The following ZMYM2 variants were observed in gnomAD, a reference collection of about 807,000 sequenced individuals.
The protein encoded by ZMYM2 is zinc finger MYM-type protein 2.
A neutral mutation model predicts 162.8 loss-of-function variants in ZMYM2; 56 were observed. The observed-to-expected ratio is 0.34, with a 90% CI of 0.28 to 0.43. The LOEUF (loss-of-function observed/expected upper bound fraction) is 0.43, where lower values mean the gene tolerates loss of function less well. Ranked by LOEUF, ZMYM2 falls within the 20% of genes least tolerant of loss-of-function variation. The probability of loss-of-function intolerance (pLI) is 1.00; values close to 1 mark genes in which losing one functional copy is unlikely to be tolerated. For missense variants in ZMYM2, 1,275 were observed against 1,621.8 expected (o/e 0.79, Z 3.67); for synonymous variants, 510 against 541.6 (o/e 0.94, Z 0.81).
At chr13:19,954,283 C>T (rs2138947456), upstream of ZMYM2, among the ~76,000 whole-genome samples, 1 of 151,776 alleles carries the variant, frequency 6.6e-6, no homozygotes, top group South Asian at 2.1e-4. Flanking sequence ...CGCCCACCAC[C>T]ATGCCTGGCT....
chr13:20,085,240 T>C (rs1958182296), intron 24 of ZMYM2, among the ~76,000 whole-genome samples: 1 of 152,128 alleles, frequency 6.6e-6, no homozygotes, highest in Non-Finnish European at 1.5e-5. Context: ...GTTTCAGATT[T>C]TGGATTTTTG....
intron 4 of ZMYM2, 47 bp from the exon 5 acceptor site, chr13:20,005,027 T>A: frequency 6.7e-7 from 1 of 1,502,638 alleles, no homozygotes; most frequent in Non-Finnish European, 9.0e-7. Context: ...CTCTTATATT[T>A]GATTTCTTTT....
At chr13:20,030,430 G>T (rs1302882367) in intron 9 of ZMYM2, among the ~76,000 whole-genome samples, 4 of 135,550 alleles carry the variant, frequency 3.0e-5, no homozygotes, top group Admixed American at 8.4e-5. Context: ...ACGGAGTCTC[G>T]CTCTGTCGCC....
At chr13:19,958,381 A>C (rs1405421888), upstream of ZMYM2, among the ~76,000 whole-genome samples, 1 of 148,746 alleles carries the variant, frequency 6.7e-6, no homozygotes, top group Non-Finnish European at 1.5e-5. Context: ...GGTCCCGGAG[A>C]GCCCCGGGCC....
At chr13:19,965,464 G>A (rs1955661943) in intron 2 of ZMYM2, among the ~76,000 whole-genome samples, 1 of 152,104 alleles carries the variant, frequency 6.6e-6, no homozygotes, top group Non-Finnish European at 1.5e-5. Context: ...ATAATCAGGG[G>A]ACTGATTTAA....
chr13:20,065,848 C>CAG (rs1284986814), intron 19 of ZMYM2, among the ~76,000 whole-genome samples: 1 of 152,030 alleles, frequency 6.6e-6, no homozygotes, highest in Non-Finnish European at 1.5e-5. Flanking sequence ...GCATGGGTGA[C>CAG]AGAGCAAGGC....
chr13:20,063,232 G>A (rs1388004823), intron 18 of ZMYM2, among the ~76,000 whole-genome samples: 1 of 151,646 alleles, frequency 6.6e-6, no homozygotes, highest in African/African-American at 2.4e-5. Context: ...GTGAAACACT[G>A]TCTCTACTAA....
intron 22 of ZMYM2, 51 bp from the exon 23 acceptor site, chr13:20,082,730 T>G (rs1957990320): frequency 5.0e-6 from 7 of 1,411,062 alleles, no homozygotes; most frequent in Middle Eastern, 2.6e-4. Flanking sequence ...GATGGTTAAA[T>G]GAAAACTTTT....
At chr13:20,003,446 T>TA (rs945321618) in intron 4 of ZMYM2, among the ~76,000 whole-genome samples, 43 of 152,240 alleles carry the variant, frequency 2.8e-4, no homozygotes, top group Admixed American at 6.5e-5. Context: ...GATTCTGTGT[T>TA]AAAATTGGTT....
At chr13:20,058,950 C>T (rs942369587) in intron 15 of ZMYM2, 15 of 581,094 alleles carry the variant, frequency 2.6e-5, no homozygotes, top group South Asian at 6.6e-5. Context: ...AATACTATCT[C>T]GAAAATTTCC....
upstream of ZMYM2, among the ~76,000 whole-genome samples, chr13:19,957,647 CCTCCATGGAGT>C (rs1034913503): frequency 2.5e-4 from 38 of 152,346 alleles, no homozygotes; most frequent in South Asian, 6.2e-4. Flanking sequence ...GTGGAGGGAG[CCTCCATGGAGT>C]CTCCATCAAC....
At chr13:20,036,372 A>G (rs934962506) in intron 11 of ZMYM2, among the ~76,000 whole-genome samples, 16 of 152,156 alleles carry the variant, frequency 1.1e-4, no homozygotes, top group Non-Finnish European at 1.0e-4. Flanking sequence ...GCCTCTCAGT[A>G]GTCTACATTG....
intron 2 of ZMYM2, among the ~76,000 whole-genome samples, chr13:19,989,724 C>A (rs939331721): frequency 2.0e-5 from 3 of 152,202 alleles, no homozygotes. Flanking sequence ...TATAGTCACC[C>A]TGTTGTGCTA....
At chr13:19,946,029 C>G in the ZMYM2 span, among the ~76,000 whole-genome samples, 1 of 151,178 alleles carries the variant, frequency 6.6e-6, no homozygotes, top group Non-Finnish European at 1.5e-5. Flanking sequence ...AGAAATGCCT[C>G]TCTGTACCCC....
intron 6 of ZMYM2, among the ~76,000 whole-genome samples, chr13:20,016,500 T>G (rs1353598956): frequency 1.3e-5 from 2 of 152,220 alleles, no homozygotes. Context: ...TAAAAAGCTT[T>G]GACTCCTTTT....
the ZMYM2 span, among the ~76,000 whole-genome samples, chr13:19,952,762 A>G: frequency 4.6e-5 from 7 of 152,272 alleles, no homozygotes; most frequent in South Asian, 1.5e-3. Context: ...TAAGGAGAGA[A>G]GAAGGGATTT....
At chr13:19,947,105 G>A in the ZMYM2 span, among the ~76,000 whole-genome samples, 1 of 151,442 alleles carries the variant, frequency 6.6e-6, no homozygotes, top group Non-Finnish European at 1.5e-5. Flanking sequence ...GCAGTGGCGC[G>A]ATCTCGGCTC....
At chr13:19,918,688 C>T in the ZMYM2 span, among the ~76,000 whole-genome samples, 1 of 151,496 alleles carries the variant, frequency 6.6e-6, no homozygotes, top group Non-Finnish European at 1.5e-5. Flanking sequence ...TTAGTAGAGA[C>T]AGGTTTCATC....
chr13:19,868,852 G>A, the ZMYM2 span, among the ~76,000 whole-genome samples: 1 of 152,142 alleles, frequency 6.6e-6, no homozygotes, highest in Non-Finnish European at 1.5e-5. Flanking sequence ...CTGGGTTTCA[G>A]CTATTCTCAG....
Sources: allele counts gnomAD v4.1 joint callset (sites outside exome capture counted in the v4.1 genomes callset), GRCh38; gene constraint gnomAD v4.1.1; transcripts MANE v1.5; gene names NCBI Gene and HGNC (gene_info 2026-07-23, HGNC 2026-07-21).